The following NRXN3 variants were observed in gnomAD, a reference collection of about 807,000 sequenced individuals.
The protein encoded by NRXN3 is neurexin 3.
Under a neutral mutation model 137.6 loss-of-function variants are expected in NRXN3, and 32 were observed. The ratio of observed to expected loss-of-function variants is 0.23; its 90% CI spans 0.18 to 0.31. NRXN3 has a LOEUF of 0.31. Among genes scored for constraint, NRXN3 ranks in the 10% least tolerant of loss-of-function variants. NRXN3 has a pLI of 1.00. For synonymous variants in NRXN3, 798 were observed against 784.5 expected (o/e 1.02, Z -0.29); for missense variants, 1,574 against 2,062.5 (o/e 0.76, Z 4.59).
At chr14:78,224,066 C>G (rs1459559388) in intron 1 of NRXN3, among the ~76,000 whole-genome samples, 1 of 152,054 alleles carries the variant, frequency 6.6e-6, no homozygotes, top group Non-Finnish European at 1.5e-5. Context: ...AACCGGGTCC[C>G]ACACCATCGA....
chr14:78,500,802 T>C (rs1422512853), intron 4 of NRXN3, among the ~76,000 whole-genome samples: 1 of 152,198 alleles, frequency 6.6e-6, no homozygotes, highest in Non-Finnish European at 1.5e-5. Context: ...CTCCTTTGTT[T>C]ATTCAGCAAA....
intron 15 of NRXN3, among the ~76,000 whole-genome samples, chr14:79,234,883 GA>G: frequency 6.6e-6 from 1 of 151,712 alleles, no homozygotes; most frequent in East Asian, 1.9e-4. Flanking sequence ...ACTACACTAG[GA>G]AAAAAAATCT....
At chr14:78,522,365 T>C (rs775754840) in intron 4 of NRXN3, among the ~76,000 whole-genome samples, 60 of 152,216 alleles carry the variant, frequency 3.9e-4, no homozygotes, top group Non-Finnish European at 5.9e-4. Flanking sequence ...TTCCATACTC[T>C]TTATATTACA....
intron 4 of NRXN3, among the ~76,000 whole-genome samples, chr14:78,565,012 A>G (rs2096824388): frequency 6.6e-6 from 1 of 152,192 alleles, no homozygotes; most frequent in African/African-American, 2.4e-5. Context: ...CTTGGTATAT[A>G]CTATCTTATG....
In NRXN3 at chr14:79,381,263, G is replaced by A. The variant is rs10132217; in HGVS notation, c.3263-85958G>A. Among the ~76,000 whole-genome samples the A allele has an allele frequency of 2.5e-3, 381 of 151,164 alleles. 1 individual carries two copies. Among genetic ancestry groups the A allele is most frequent in the African/African-American group, 9.0e-3 (371 of 41,200 alleles). ...CCTTCAGAATTCTTAATATGATATG[G>A]TGTTCTGTATATTTTCAAGAGGAGA... On this transcript the variant is annotated intron_variant, in intron 15 of 20. Coordinates refer to ENST00000335750, the MANE Select transcript of NRXN3 (RefSeq NM_001330195.2).
intron 15 of NRXN3, among the ~76,000 whole-genome samples, chr14:79,425,143 A>C (rs2095636509): frequency 6.6e-6 from 1 of 152,084 alleles, no homozygotes; most frequent in Non-Finnish European, 1.5e-5. Flanking sequence ...GGGACTTTTA[A>C]CTCCCCTATG....
chr14:79,510,031 A>T (rs1198675525), intron 16 of NRXN3, among the ~76,000 whole-genome samples: 1 of 152,198 alleles, frequency 6.6e-6, no homozygotes, highest in African/African-American at 2.4e-5. Flanking sequence ...ATACCTATGT[A>T]CATCACAGTC....
intron 15 of NRXN3, chr14:79,280,323 C>T (rs148275338): frequency 1.4e-5 from 23 of 1,614,122 alleles, no homozygotes; most frequent in Non-Finnish European, 1.7e-5. Context: ...AGACGGAGCC[C>T]TCCTCGCCGG....
chr14:79,715,264 G>C (rs1040526646), intron 19 of NRXN3, among the ~76,000 whole-genome samples: 2 of 152,254 alleles, frequency 1.3e-5, no homozygotes, highest in Admixed American at 1.3e-4. Context: ...CTTAAATCCT[G>C]TTGTGTCCTA....
Position 79,471,941 on chromosome 14 carries a change from G to C in NRXN3, c.3444+4539G>C, listed in dbSNP as rs79022943. Among the ~76,000 whole-genome samples, 2,321 of 152,118 alleles carry C rather than the reference G, an allele frequency of 0.015. 102 individuals carry two copies. In the East Asian group the frequency reaches 0.17, roughly 11 times the overall value. Reference sequence around the variant, plus strand: ...GTTGTACAGATTATTTCATCGCCCAGGTATTAAGCTTAATATCCATTAGTT... The same window carrying C: ...GTTGTACAGATTATTTCATCGCCCACGTATTAAGCTTAATATCCATTAGTT... On this transcript the variant is annotated intron_variant, in intron 16 of 20. Transcript: ENST00000335750.
At chr14:79,759,706 A>T (rs1422860452) in intron 19 of NRXN3, among the ~76,000 whole-genome samples, 2 of 151,708 alleles carry the variant, frequency 1.3e-5, no homozygotes, top group Non-Finnish European at 2.9e-5. Context: ...TTTTTACCCA[A>T]GCTTGGTAAT....
intron 15 of NRXN3, among the ~76,000 whole-genome samples, chr14:79,365,694 C>T (rs1252291294): frequency 3.8e-5 from 5 of 130,600 alleles, no homozygotes; most frequent in African/African-American, 1.4e-4. Context: ...AGTCCGCAGT[C>T]CGGCCTGGGC....
At chr14:78,863,132 G>C (rs939461051) in intron 10 of NRXN3, among the ~76,000 whole-genome samples, 1 of 152,032 alleles carries the variant, frequency 6.6e-6, no homozygotes, top group African/African-American at 2.4e-5. Context: ...TTAAAACCAC[G>C]AGTATCCCTG....
At chr14:79,645,817 C>T (rs1201151295) in intron 16 of NRXN3, among the ~76,000 whole-genome samples, 1 of 135,092 alleles carries the variant, frequency 7.4e-6, no homozygotes, top group East Asian at 2.0e-4. Context: ...GGATACCAGG[C>T]TGAAGAGTTT....
chr14:78,480,837 A>C (rs2095460698), intron 4 of NRXN3, among the ~76,000 whole-genome samples: 1 of 152,184 alleles, frequency 6.6e-6, no homozygotes. Flanking sequence ...GCATTTAGCT[A>C]AGTATTCTTC....
At chr14:78,970,434 G>A (rs574733685) in intron 14 of NRXN3, among the ~76,000 whole-genome samples, 2 of 152,162 alleles carry the variant, frequency 1.3e-5, no homozygotes, top group Non-Finnish European at 2.9e-5. Context: ...ACTTGAGTTT[G>A]TATTTTATAC....
At chr14:79,235,505 G>A (rs1411322884) in intron 15 of NRXN3, among the ~76,000 whole-genome samples, 1 of 152,132 alleles carries the variant, frequency 6.6e-6, no homozygotes, top group Non-Finnish European at 1.5e-5. Flanking sequence ...CCTTACATCT[G>A]TGTCTATGAT....
intron 5 of NRXN3, among the ~76,000 whole-genome samples, chr14:78,647,316 AACT>A (rs2097697272): frequency 6.6e-6 from 1 of 152,206 alleles, no homozygotes; most frequent in Admixed American, 6.5e-5. Context: ...TCTAAGGCCC[AACT>A]CTGCTCTGTG....
At chr14:79,849,945 T>A (rs1197291107) in intron 20 of NRXN3, among the ~76,000 whole-genome samples, 1 of 152,192 alleles carries the variant, frequency 6.6e-6, no homozygotes, top group Non-Finnish European at 1.5e-5. Flanking sequence ...ACAGCAATCC[T>A]CACATCCAGA....
Sources: gnomAD v4.1 joint callset for allele counts (sites outside exome capture counted in the v4.1 genomes callset) on GRCh38, gnomAD v4.1.1 for gene constraint, MANE v1.5 for transcripts, NCBI Gene and HGNC (gene_info 2026-07-23, HGNC 2026-07-21) for gene names.